Variants in BNC2 observed in about 807,000 individuals in gnomAD.
BNC2 encodes the protein zinc finger protein basonuclin-2.
BNC2 carries 20 observed loss-of-function variants against 76.3 expected under a neutral mutation model. That is an observed-to-expected ratio of 0.26 (90% CI 0.18 to 0.38). The LOEUF (loss-of-function observed/expected upper bound fraction) is 0.38, where lower values mean the gene tolerates loss of function less well. Ranked by LOEUF, BNC2 falls within the 10% of genes least tolerant of loss-of-function variation. The pLI is 1.00. For missense variants in BNC2, 1,382 were observed against 1,399.8 expected (o/e 0.99, Z 0.20); for synonymous variants, 582 against 514.8 (o/e 1.13, Z -1.77).
chr9:16,476,017 A>G (rs1286958724), intron 5 of BNC2: 1 of 152,202 alleles, frequency 6.6e-6, no homozygotes, highest in Non-Finnish European at 1.5e-5. Context: ...TGTCCAAAAG[A>G]TCTCCTATCA....
chr9:16,611,933 C>T (rs1315704366), intron 3 of BNC2, among the ~76,000 whole-genome samples: 3 of 152,020 alleles, frequency 2.0e-5, no homozygotes, highest in Non-Finnish European at 4.4e-5. Context: ...ATAAAAATAA[C>T]CTAGTCTCTT....
chr9:16,855,984 C>T (rs1819245911), intron 1 of BNC2, among the ~76,000 whole-genome samples: 1 of 152,024 alleles, frequency 6.6e-6, no homozygotes, highest in South Asian at 2.1e-4. Context: ...TTAGCATATC[C>T]GTACTTCAGG....
At chr9:16,512,859 G>C (rs1204539276) in intron 5 of BNC2, among the ~76,000 whole-genome samples, 2 of 152,090 alleles carry the variant, frequency 1.3e-5, no homozygotes, top group East Asian at 3.9e-4. Flanking sequence ...GATATGGCTG[G>C]GCGTGGTGGC....
chr9:16,468,753 C>G (rs79177192), intron 5 of BNC2, among the ~76,000 whole-genome samples: 166 of 152,200 alleles, frequency 1.1e-3, no homozygotes, highest in African/African-American at 3.7e-3. Flanking sequence ...ATTATCATCT[C>G]CAAGCTGAGG....
chr9:16,613,732 G>A (rs1171262422), intron 3 of BNC2, among the ~76,000 whole-genome samples: 1 of 152,184 alleles, frequency 6.6e-6, no homozygotes, highest in African/African-American at 2.4e-5. Flanking sequence ...AGCTTTAAGT[G>A]AGAAATCCTG....
intron 5 of BNC2, among the ~76,000 whole-genome samples, chr9:16,544,514 T>A (rs1168052162): frequency 6.6e-6 from 1 of 152,098 alleles, no homozygotes; most frequent in African/African-American, 2.4e-5. Flanking sequence ...GACAGTGTCA[T>A]ATATAGAATA....
chr9:16,514,784 A>AAAAC (rs772893621), intron 5 of BNC2, among the ~76,000 whole-genome samples: 174 of 152,220 alleles, frequency 1.1e-3, no homozygotes, highest in Admixed American at 3.0e-3. Flanking sequence ...ACAGAATTGA[A>AAAAC]AAACAAACAA....
chr9:16,419,226 T>C lies in BNC2; in HGVS notation c.3063A>G (p.Gly1021=), dbSNP rs1057219873. Residue 1021 remains glycine, a synonymous_variant, in exon 7 of 7, where the codon GGA becomes GGG. Coordinates refer to ENST00000380672, the MANE Select transcript of BNC2 (RefSeq NM_017637.6). ...LPGSLGAEVS[G]SLMFSSLSGS... ...CAGACAAGCTGCTGAACATAAGAGA[T>C]CCTGAAACTTCAGCCCCTAGGCTGC... is the stretch of plus-strand genomic sequence containing the variant. 2 of 1,614,168 alleles carry C rather than the reference T, an allele frequency of 1.2e-6. No homozygotes were observed. Among genetic ancestry groups the C allele is most frequent in the Non-Finnish European group, 1.7e-6 (2 of 1,180,034 alleles).
intron 2 of BNC2, among the ~76,000 whole-genome samples, chr9:16,736,277 T>C (rs1322075148): frequency 6.6e-6 from 1 of 151,172 alleles, no homozygotes; most frequent in East Asian, 1.9e-4. Flanking sequence ...TTCAGTACCT[T>C]ACAAAATTAT....
intron 3 of BNC2, among the ~76,000 whole-genome samples, chr9:16,653,461 T>C (rs571630037): frequency 3.0e-4 from 46 of 152,072 alleles, no homozygotes; most frequent in Middle Eastern, 3.4e-3. Context: ...ACAAATGAAA[T>C]AAAAAGGGCT....
intron 5 of BNC2, among the ~76,000 whole-genome samples, chr9:16,511,420 C>CTTTTT (rs758039548): frequency 2.9e-5 from 2 of 69,492 alleles, no homozygotes; most frequent in African/African-American, 6.0e-5. Context: ...AATAAATTTA[C>CTTTTT]TTTTTTTTTT....
At chr9:16,570,669 C>T (rs1268463415) in intron 4 of BNC2, among the ~76,000 whole-genome samples, 1 of 152,098 alleles carries the variant, frequency 6.6e-6, no homozygotes, top group African/African-American at 2.4e-5. Flanking sequence ...GCAGTATCTG[C>T]CGATTTTTCC....
chr9:16,725,779 T>C (rs1256480676), intron 3 of BNC2, among the ~76,000 whole-genome samples: 6 of 152,220 alleles, frequency 3.9e-5, no homozygotes, highest in African/African-American at 1.4e-4. Flanking sequence ...CCATCATTTA[T>C]ATTACTTTAT....
intron 1 of BNC2, among the ~76,000 whole-genome samples, chr9:16,795,263 TAGTA>T (rs1369746073): frequency 6.6e-6 from 1 of 151,896 alleles, no homozygotes; most frequent in African/African-American, 2.4e-5. Flanking sequence ...CAACACAAGA[TAGTA>T]AGGCGAACTC....
chr9:16,556,301 C>T (rs184759144), intron 4 of BNC2, among the ~76,000 whole-genome samples: 13 of 151,976 alleles, frequency 8.6e-5, no homozygotes, highest in African/African-American at 2.9e-4. Flanking sequence ...CAAAAACAAA[C>T]AAACAAACTT....
At chr9:16,754,049 T>C (rs7867001) in intron 1 of BNC2, among the ~76,000 whole-genome samples, 142,362 of 152,006 alleles carry the variant, frequency 0.94, 66,751 homozygotes, top group East Asian at 0.99. Context: ...TGCTCGCTTA[T>C]AGCCTGTAAT....
At chr9:16,648,362 G>A (rs1821695897) in intron 3 of BNC2, among the ~76,000 whole-genome samples, 1 of 152,240 alleles carries the variant, frequency 6.6e-6, no homozygotes, top group African/African-American at 2.4e-5. Flanking sequence ...CAAGCTCTGA[G>A]GAGAAATGAC....
At chr9:16,797,046 C>A (rs1041950134) in intron 1 of BNC2, among the ~76,000 whole-genome samples, 1 of 152,072 alleles carries the variant, frequency 6.6e-6, no homozygotes, top group African/African-American at 2.4e-5. Flanking sequence ...TAATAAAGTG[C>A]AACAGGAATG....
intron 1 of BNC2, among the ~76,000 whole-genome samples, chr9:16,852,243 T>C (rs769858685): frequency 3.9e-5 from 6 of 152,104 alleles, no homozygotes; most frequent in Non-Finnish European, 8.8e-5. Context: ...AACACAAAAA[T>C]AGGTGAACAA....
Sources: gnomAD v4.1 joint callset for allele counts (sites outside exome capture counted in the v4.1 genomes callset) on GRCh38, gnomAD v4.1.1 for gene constraint, MANE v1.5 for transcripts, NCBI Gene and HGNC (gene_info 2026-07-23, HGNC 2026-07-21) for gene names.